PHLDB2: variants seen among roughly 807,000 people sequenced by gnomAD.
PHLDB2 encodes pleckstrin homology-like domain family B member 2.
In PHLDB2, 71 loss-of-function variants were observed where a neutral mutation model predicts 123.6. That is an observed-to-expected ratio of 0.57 (90% CI 0.47 to 0.70). PHLDB2 has a LOEUF of 0.70. PHLDB2 is among the 30% of genes least tolerant of loss of function. PHLDB2 has a pLI of 0.00. For missense variants in PHLDB2, 1,446 were observed against 1,519.5 expected (o/e 0.95, Z 0.80); for synonymous variants, 547 against 541.6 (o/e 1.01, Z -0.14).
chr3:111,880,560 T>C (rs1255118253), intron 1 of PHLDB2, among the ~76,000 whole-genome samples: 1 of 152,176 alleles, frequency 6.6e-6, no homozygotes, highest in Non-Finnish European at 1.5e-5. Context: ...GTTAGCGGCT[T>C]TATAGAGGAC....
chr3:111,767,415 A>G (rs1177926583), intron 1 of PHLDB2, among the ~76,000 whole-genome samples: 1 of 152,204 alleles, frequency 6.6e-6, no homozygotes, highest in Non-Finnish European at 1.5e-5. Flanking sequence ...GATTGTTGAC[A>G]CCAAACTAGT....
In PHLDB2 at chr3:111,967,641, A is replaced by C. The variant is rs781626964; in HGVS notation, c.3169-37A>C. The stretch of plus-strand genomic sequence containing the variant: ...TTGGAACCATTCAAGTATAACCAGT[A>C]TGTTTTAAAATAATCATTGTTATGC... On this transcript the variant is annotated intron_variant, in intron 14 of 17. Coordinates refer to ENST00000431670, the MANE Select transcript of PHLDB2 (RefSeq NM_001134438.2). 5 of 1,527,262 alleles carry C rather than the reference A, an allele frequency of 3.3e-6. No individual in the cohort carries two copies. In the South Asian group the frequency reaches 4.8e-5, roughly 15 times the overall value. The allele number at this position is 1,527,262 out of a possible 1,614,324, so 94.6% of individuals were successfully genotyped here.
chr3:111,923,108 T>A (rs2107539246), intron 5 of PHLDB2, among the ~76,000 whole-genome samples: 1 of 152,310 alleles, frequency 6.6e-6, no homozygotes, highest in East Asian at 1.9e-4. Flanking sequence ...TTAAACAATT[T>A]TCTGGGTATA....
In PHLDB2 at chr3:111,885,133, T is replaced by G. The variant is rs767098773; in HGVS notation, c.1056T>G (p.Asp352Glu). 1 of 1,614,038 alleles carries G rather than the reference T, an allele frequency of 6.2e-7. No homozygotes were observed. The highest frequency in any genetic ancestry group is 8.5e-7 in the Non-Finnish European group (1 of 1,180,038). Residue 352 changes from aspartate to glutamate, a missense_variant, in exon 2 of 18, where the codon GAT (aspartate) becomes GAG (glutamate). By Grantham distance (45) the Asp-to-Glu change is conservative. This residue lies in a region of PHLDB2 where 832 missense variants were observed against 831.9 expected (regional missense o/e 1.00). Coordinates refer to ENST00000431670, the MANE Select transcript of PHLDB2 (RefSeq NM_001134438.2). ...CCTCCACCTCCTCCTGTGCCTCTGA[T>G]GACTTTGATCAGGCTTCATATGTGG... is the stretch of plus-strand genomic sequence containing the variant. ...LLASTSSCAS[D>E]DFDQASYVGT...
intron 13 of PHLDB2, among the ~76,000 whole-genome samples, chr3:111,965,128 A>G (rs945560880): frequency 1.3e-5 from 2 of 152,162 alleles, no homozygotes; most frequent in African/African-American, 4.8e-5. Context: ...AAATTAAAAG[A>G]TTTCTTTCCC....
intron 2 of PHLDB2, among the ~76,000 whole-genome samples, chr3:111,849,285 C>T (rs72938235): frequency 0.034 from 5,239 of 152,186 alleles, 309 homozygotes; most frequent in African/African-American, 0.12. Flanking sequence ...ATCCTCCTGC[C>T]TCAGTCTCCA....
At chr3:111,873,186 G>A (rs1436660305) in intron 1 of PHLDB2, among the ~76,000 whole-genome samples, 2 of 152,112 alleles carry the variant, frequency 1.3e-5, no homozygotes, top group East Asian at 1.9e-4. Flanking sequence ...TTGTAAAGCC[G>A]ATCTTTCAGC....
intron 3 of PHLDB2, chr3:111,914,871 T>C (rs925041634): frequency 6.6e-6 from 1 of 152,232 alleles, no homozygotes; most frequent in African/African-American, 2.4e-5. Flanking sequence ...AAATTTTTTT[T>C]TCTTTTTCTT....
intron 1 of PHLDB2, among the ~76,000 whole-genome samples, chr3:111,866,014 ATTTTTTTTTTTTT>A (rs61038523): frequency 3.5e-5 from 2 of 57,430 alleles, no homozygotes; most frequent in Admixed American, 3.0e-4. Context: ...CCACCCACTC[ATTTTTTTTTTTTT>A]TTTTTTTTTT....
intron 2 of PHLDB2, among the ~76,000 whole-genome samples, chr3:111,910,472 T>C (rs977628507): frequency 2.6e-5 from 4 of 152,148 alleles, no homozygotes; most frequent in Admixed American, 6.5e-5. Context: ...TCTTGACTTA[T>C]TAAATAGCAG....
chr3:111,831,754 G>T (rs1272543766), intron 1 of PHLDB2, among the ~76,000 whole-genome samples: 1 of 152,136 alleles, frequency 6.6e-6, no homozygotes. Context: ...TACGAATGCA[G>T]TGCAGATATA....
At chr3:111,733,760 A>G (rs1019177817) in intron 1 of PHLDB2, among the ~76,000 whole-genome samples, 20 of 152,234 alleles carry the variant, frequency 1.3e-4, no homozygotes, top group African/African-American at 1.4e-4. Context: ...TTTATCTAAT[A>G]TGATTCACTC....
At chr3:111,781,780 G>T (rs541429592) in intron 1 of PHLDB2, among the ~76,000 whole-genome samples, 1 of 152,234 alleles carries the variant, frequency 6.6e-6, no homozygotes, top group Admixed American at 6.5e-5. Flanking sequence ...AGCATAGTAA[G>T]TACAGTTTGG....
chr3:111,775,395 TA>T (rs2060251069), intron 1 of PHLDB2, among the ~76,000 whole-genome samples: 1 of 152,196 alleles, frequency 6.6e-6, no homozygotes, highest in African/African-American at 2.4e-5. Flanking sequence ...ATGTAGATGA[TA>T]CTTTAGAAAA....
rs767309145 is a variant in PHLDB2 at position 111,975,710 on chromosome 3, C to T, written c.*1147C>T. On this transcript the variant is annotated 3_prime_UTR_variant, in exon 18 of 18. Coordinates refer to ENST00000431670, the MANE Select transcript of PHLDB2 (RefSeq NM_001134438.2). ...AAATGAAACGACTTCAGGCAAGTCT[C>T]TTTTATAATGGTTTTTCAAGTGCCA... 1 of 152,420 alleles carries T rather than the reference C, an allele frequency of 6.6e-6. No homozygotes were observed. Among genetic ancestry groups the T allele is most frequent in the Non-Finnish European group, 1.5e-5 (1 of 67,984 alleles). The allele number at this position is 152,420 out of a possible 1,614,324, so 9.4% of individuals were successfully genotyped here.
chr3:111,919,007 A>G (rs2068344390), intron 3 of PHLDB2, 65 bp from the exon 4 acceptor site: 1 of 1,555,398 alleles, frequency 6.4e-7, no homozygotes, highest in East Asian at 2.2e-5. Context: ...GATGGTTTAC[A>G]AGTCAAGTTG....
intron 1 of PHLDB2, 158 bp downstream of exon 1, chr3:111,859,734 G>T (rs2064705697): frequency 4.1e-6 from 4 of 985,432 alleles, no homozygotes. Flanking sequence ...GGCTGCCCGG[G>T]CCGAGGAGGG....
At chr3:111,773,558 C>T (rs2060215148) in intron 1 of PHLDB2, among the ~76,000 whole-genome samples, 1 of 152,170 alleles carries the variant, frequency 6.6e-6, no homozygotes, top group African/African-American at 2.4e-5. Context: ...TGCATTCATC[C>T]CTGACTTTGA....
At chr3:111,770,428 T>G (rs998702490) in intron 1 of PHLDB2, among the ~76,000 whole-genome samples, 4 of 152,236 alleles carry the variant, frequency 2.6e-5, no homozygotes, top group Non-Finnish European at 5.9e-5. Flanking sequence ...CTATTTTTAA[T>G]GCAAATGTTA....
Sources: allele counts gnomAD v4.1 joint callset (sites outside exome capture counted in the v4.1 genomes callset), GRCh38; gene constraint gnomAD v4.1.1; regional missense constraint gnomAD v4.1.1; transcripts MANE v1.5; gene names NCBI Gene and HGNC (gene_info 2026-07-23, HGNC 2026-07-21).